SEZ6L: variants seen among roughly 807,000 people sequenced by gnomAD.
SEZ6L encodes seizure related 6 homolog like.
SEZ6L carries 37 observed loss-of-function variants against 106.2 expected under a neutral mutation model. The ratio of observed to expected loss-of-function variants is 0.35; its 90% CI spans 0.27 to 0.46. The LOEUF (loss-of-function observed/expected upper bound fraction) is 0.46. SEZ6L is among the 20% of genes least tolerant of loss of function. SEZ6L has a pLI of 1.00. For synonymous variants in SEZ6L, 541 were observed against 570.4 expected (o/e 0.95, Z 0.73); for missense variants, 1,172 against 1,332.8 (o/e 0.88, Z 1.88).
At chr22:26,295,916 G>C (rs547540791) in intron 3 of SEZ6L, among the ~76,000 whole-genome samples, 10 of 152,306 alleles carry the variant, frequency 6.6e-5, no homozygotes, top group East Asian at 5.8e-4. Context: ...GTCTCATAGA[G>C]GAGGGCAATT....
At chr22:26,369,661 A>AC (rs1438547537) in intron 13 of SEZ6L, among the ~76,000 whole-genome samples, 2 of 151,814 alleles carry the variant, frequency 1.3e-5, no homozygotes, top group Non-Finnish European at 2.9e-5. Flanking sequence ...TAATAAGAGA[A>AC]CAAGGGGTCC....
chr22:26,172,295 T>A (rs924709027), intron 1 of SEZ6L, among the ~76,000 whole-genome samples: 1 of 152,214 alleles, frequency 6.6e-6, no homozygotes, highest in African/African-American at 2.4e-5. Flanking sequence ...TGGATTGGCA[T>A]TATTTTCCAT....
intron 1 of SEZ6L, among the ~76,000 whole-genome samples, chr22:26,226,062 C>T (rs993112752): frequency 1.3e-5 from 2 of 152,196 alleles, no homozygotes; most frequent in African/African-American, 4.8e-5. Flanking sequence ...TTTTCTCCAT[C>T]CCTGCTGCCA....
chr22:26,313,456 CA>C (rs1569458651), intron 8 of SEZ6L, among the ~76,000 whole-genome samples: 1 of 152,120 alleles, frequency 6.6e-6, no homozygotes, highest in Non-Finnish European at 1.5e-5. Context: ...GTTGAGGAGT[CA>C]TTCTGACCAC....
intron 1 of SEZ6L, among the ~76,000 whole-genome samples, chr22:26,217,486 ACTT>A (rs545162381): frequency 6.2e-4 from 94 of 152,134 alleles, no homozygotes; most frequent in African/African-American, 2.1e-3. Flanking sequence ...ATTACCTTCT[ACTT>A]CTCTTTCAGA....
At chr22:26,204,874 G>A (rs1182377534) in intron 1 of SEZ6L, among the ~76,000 whole-genome samples, 1 of 152,168 alleles carries the variant, frequency 6.6e-6, no homozygotes, top group African/African-American at 2.4e-5. Flanking sequence ...ACAGCAATCT[G>A]TGCAGTGGTT....
At chr22:26,344,560 G>A (rs900984940) in intron 10 of SEZ6L, among the ~76,000 whole-genome samples, 7 of 152,170 alleles carry the variant, frequency 4.6e-5, no homozygotes, top group Admixed American at 1.3e-4. Flanking sequence ...TGTCTGCCAT[G>A]AGCATGAAAT....
intron 1 of SEZ6L, among the ~76,000 whole-genome samples, chr22:26,230,629 G>T (rs1280408050): frequency 6.6e-6 from 1 of 152,240 alleles, no homozygotes; most frequent in Non-Finnish European, 1.5e-5. Context: ...CAGGGAAACA[G>T]ACTGGAGACT....
intron 12 of SEZ6L, among the ~76,000 whole-genome samples, chr22:26,363,793 A>C (rs1023326739): frequency 1.3e-5 from 2 of 152,270 alleles, no homozygotes; most frequent in Non-Finnish European, 2.9e-5. Context: ...AACGAAAAAC[A>C]AAGTGTGACA....
chr22:26,351,512 T>C, intron 12 of SEZ6L: 1 of 322,316 alleles, frequency 3.1e-6, no homozygotes, highest in Non-Finnish European at 5.3e-6. Context: ...ATACTTTGTT[T>C]TTTTGTTTGT....
intron 1 of SEZ6L, among the ~76,000 whole-genome samples, chr22:26,273,001 A>C (rs2080418359): frequency 6.6e-6 from 1 of 152,216 alleles, no homozygotes; most frequent in African/African-American, 2.4e-5. Flanking sequence ...TGCATGTAAA[A>C]CACTTAGCAC....
chr22:26,326,101 A>G (rs1356268615), intron 9 of SEZ6L, among the ~76,000 whole-genome samples: 2 of 152,124 alleles, frequency 1.3e-5, no homozygotes, highest in Non-Finnish European at 2.9e-5. Flanking sequence ...TGGAAACACA[A>G]GCACCAGGGT....
At chr22:26,340,781 G>A (rs2082805246) in intron 10 of SEZ6L, 149 bp downstream of exon 10, 1 of 696,190 alleles carries the variant, frequency 1.4e-6, no homozygotes, top group Admixed American at 3.3e-5. Flanking sequence ...AAAAGCCTGG[G>A]CTCTCTAGTC....
chr22:26,215,162 T>G (rs925390121), intron 1 of SEZ6L, among the ~76,000 whole-genome samples: 1 of 152,268 alleles, frequency 6.6e-6, no homozygotes, highest in African/African-American at 2.4e-5. Context: ...TACTTAAATT[T>G]ATTGTTTTAA....
intron 1 of SEZ6L, among the ~76,000 whole-genome samples, chr22:26,267,247 G>A (rs1045298305): frequency 3.3e-5 from 5 of 152,194 alleles, no homozygotes; most frequent in Non-Finnish European, 1.5e-5. Context: ...TGACAAAAAT[G>A]TGCCTCAGTG....
At chr22:26,331,693 A>G (rs964711410) in intron 9 of SEZ6L, among the ~76,000 whole-genome samples, 1 of 152,244 alleles carries the variant, frequency 6.6e-6, no homozygotes, top group African/African-American at 2.4e-5. Context: ...TTTTAAAACA[A>G]GAAGTCTGGG....
At chr22:26,235,770 G>A (rs1383524816) in intron 1 of SEZ6L, among the ~76,000 whole-genome samples, 9 of 152,206 alleles carry the variant, frequency 5.9e-5, no homozygotes, top group Non-Finnish European at 1.3e-4. Context: ...GATCTCCAAG[G>A]AGGACAGAGG....
intron 14 of SEZ6L, among the ~76,000 whole-genome samples, chr22:26,374,895 C>T (rs974177594): frequency 6.6e-6 from 1 of 152,170 alleles, no homozygotes; most frequent in African/African-American, 2.4e-5. Flanking sequence ...CAGGAGTAGC[C>T]TCTGGGAATC....
chr22:26,351,881 A>G (rs1005304014), intron 12 of SEZ6L, among the ~76,000 whole-genome samples: 2 of 150,190 alleles, frequency 1.3e-5, no homozygotes, highest in Non-Finnish European at 3.0e-5. Flanking sequence ...ATACTGTGCT[A>G]GGTGTGGTGG....
Sources: gnomAD v4.1 joint callset for allele counts (sites outside exome capture counted in the v4.1 genomes callset) on GRCh38, gnomAD v4.1.1 for gene constraint, MANE v1.5 for transcripts, NCBI Gene and HGNC (gene_info 2026-07-23, HGNC 2026-07-21) for gene names.